The following DMD variants were observed in gnomAD, a reference collection of about 807,000 sequenced individuals.
DMD encodes the protein mutant dystrophin.
Under a neutral mutation model 330.1 loss-of-function variants are expected in DMD, and 63 were observed. The observed-to-expected ratio is 0.19, with a 90% CI of 0.16 to 0.24. The LOEUF (loss-of-function observed/expected upper bound fraction) is 0.24, where lower values mean the gene tolerates loss of function less well. DMD is among the 10% of genes least tolerant of loss of function. The pLI, the probability that DMD is intolerant of heterozygous loss-of-function variation, is 1.00. For synonymous variants in DMD, 1,223 were observed against 959.8 expected (o/e 1.27, Z -5.07); for missense variants, 3,344 against 2,684.1 (o/e 1.25, Z -5.43).
intron 44 of DMD, among the ~76,000 whole-genome samples, chrX:31,981,184 G>T (rs1264208793): frequency 8.9e-6 from 1 of 111,748 alleles, no homozygotes; most frequent in Non-Finnish European, 1.9e-5. Context: ...TATAAGACGA[G>T]TCAAGTGGCA....
chrX:31,171,125 T>C (rs191697914), intron 73 of DMD, among the ~76,000 whole-genome samples: 15 of 112,294 alleles, frequency 1.3e-4, no homozygotes, highest in African/African-American at 4.2e-4. Context: ...ATCTTATATA[T>C]TAGTACCATT....
intron 26 of DMD, among the ~76,000 whole-genome samples, chrX:32,449,515 C>T (rs2098320680): frequency 9.1e-6 from 1 of 109,599 alleles, no homozygotes; most frequent in Admixed American, 9.8e-5. Context: ...ACACTAATGA[C>T]AAGCAATCCA....
chrX:31,741,915 T>G (rs754875202), intron 51 of DMD, among the ~76,000 whole-genome samples: 1 of 112,078 alleles, frequency 8.9e-6, no homozygotes, highest in African/African-American at 3.2e-5. Context: ...CCACCTTTAT[T>G]AACTTAGATG....
rs1005770941 is a variant in DMD at position 31,358,494 on chromosome X, T to C, written c.9085-9860A>G. 3.6e-5 allele frequency among the ~76,000 whole-genome samples: 4 copies of C among 112,080 alleles called. No individual in the cohort carries two copies. The East Asian group carries it at 1.1e-3, about 32-fold the overall frequency. On this transcript the variant is annotated intron_variant, in intron 60 of 78. Coordinates refer to ENST00000357033, the MANE Select transcript of DMD (RefSeq NM_004006.3). ...CAAGTGAAATCAACACAGTACAGTG[T>C]AATAAAAATGCATATAGCCCCAGGC...
intron 1 of DMD, among the ~76,000 whole-genome samples, chrX:33,053,863 G>A (rs796212208): frequency 4.5e-5 from 5 of 110,761 alleles, no homozygotes; most frequent in African/African-American, 1.6e-4. Flanking sequence ...GGGTGGGTTC[G>A]GTGGGTGGGA....
intron 55 of DMD, among the ~76,000 whole-genome samples, chrX:31,558,961 T>C (rs6628620): frequency 0.15 from 16,179 of 110,844 alleles, 1,082 homozygotes; most frequent in African/African-American, 0.23. Flanking sequence ...TTTAAAATAA[T>C]TTACAGGAGA....
intron 1 of DMD, among the ~76,000 whole-genome samples, chrX:33,144,645 G>C (rs757172557): frequency 9.0e-6 from 1 of 111,649 alleles, no homozygotes; most frequent in South Asian, 3.8e-4. Flanking sequence ...AATTAATAGT[G>C]TATGCAACTA....
At chrX:31,380,879 AG>A (rs201355099) in intron 60 of DMD, among the ~76,000 whole-genome samples, 4,336 of 110,006 alleles carry the variant, frequency 0.039, 119 homozygotes, top group Non-Finnish European at 0.064. Flanking sequence ...CTTCACAGAC[AG>A]CCCCCATTAC....
At chrX:31,157,427 A>G in intron 74 of DMD, among the ~76,000 whole-genome samples, 1 of 112,304 alleles carries the variant, frequency 8.9e-6, no homozygotes, top group Non-Finnish European at 1.9e-5. Flanking sequence ...TAAGACAAAA[A>G]TGGCAGTGGC....
chrX:32,812,827 T>A (rs953936741), intron 6 of DMD, among the ~76,000 whole-genome samples: 3 of 111,284 alleles, frequency 2.7e-5, no homozygotes, highest in African/African-American at 9.8e-5. Context: ...GAAAAATATA[T>A]AAAAAAATTT....
intron 43 of DMD, among the ~76,000 whole-genome samples, chrX:32,235,250 C>T: frequency 9.0e-6 from 1 of 111,122 alleles, no homozygotes; most frequent in South Asian, 3.8e-4. Flanking sequence ...GCATTAGATT[C>T]TCATAAGGAG....
At chrX:31,728,955 G>A (rs953458237) in intron 52 of DMD, among the ~76,000 whole-genome samples, 3 of 110,888 alleles carry the variant, frequency 2.7e-5, no homozygotes, top group Non-Finnish European at 3.8e-5. Context: ...ACCGGGTGGC[G>A]AGTTTCCCCT....
At chrX:31,836,001 C>T (rs1373723494) in intron 49 of DMD, among the ~76,000 whole-genome samples, 1 of 111,600 alleles carries the variant, frequency 9.0e-6, no homozygotes, top group Non-Finnish European at 1.9e-5. Context: ...TAACCTACTG[C>T]TAACGTATAT....
intron 55 of DMD, among the ~76,000 whole-genome samples, chrX:31,509,618 A>G (rs1321418117): frequency 5.4e-5 from 6 of 111,895 alleles, no homozygotes; most frequent in Non-Finnish European, 1.1e-4. Context: ...CGAGCTCCTT[A>G]AGGTTATGTA....
Position 31,657,984 on chromosome X carries a change from T to C in DMD, c.8027+6A>G, listed in dbSNP as rs367665628. 6 of 1,204,761 alleles carry C rather than the reference T, an allele frequency of 5.0e-6. No individual in the cohort carries two copies. Among genetic ancestry groups the C allele is most frequent in the Non-Finnish European group, 6.7e-6 (6 of 890,668 alleles). ...ACAGTAGTTTTAGAAATAATGTAAT[T>C]CATACCTTTTATGAATGCTTCTCCA... On this transcript the variant is annotated splice_donor_region_variant and intron_variant, in intron 54 of 78. Coordinates refer to ENST00000357033, the MANE Select transcript of DMD (RefSeq NM_004006.3).
intron 2 of DMD, among the ~76,000 whole-genome samples, chrX:33,009,762 A>G (rs796247999): frequency 2.2e-5 from 1 of 46,091 alleles, no homozygotes; most frequent in African/African-American, 1.1e-4. Flanking sequence ...ATATGTGTGT[A>G]TATGTGTATA....
intron 55 of DMD, among the ~76,000 whole-genome samples, chrX:31,520,354 T>A (rs1471298049): frequency 9.1e-6 from 1 of 110,463 alleles, no homozygotes; most frequent in African/African-American, 3.3e-5. Flanking sequence ...AAGGGGCTCT[T>A]CCCATTCACT....
At chrX:32,476,648 T>C (rs770180169) in intron 21 of DMD, among the ~76,000 whole-genome samples, 1 of 111,879 alleles carries the variant, frequency 8.9e-6, no homozygotes, top group Non-Finnish European at 1.9e-5. Context: ...GTATAGAGTA[T>C]CTCATTTAAA....
chrX:31,789,561 C>T (rs947143245), intron 50 of DMD, among the ~76,000 whole-genome samples: 10 of 110,743 alleles, frequency 9.0e-5, no homozygotes, highest in African/African-American at 2.9e-4. Context: ...TCAATTATTC[C>T]AAGGTAAAGT....
Sources: gnomAD v4.1 joint callset for allele counts (sites outside exome capture counted in the v4.1 genomes callset) on GRCh38, gnomAD v4.1.1 for gene constraint, MANE v1.5 for transcripts, NCBI Gene and HGNC (gene_info 2026-07-23, HGNC 2026-07-21) for gene names.